ERC2: variants seen among roughly 807,000 people sequenced by gnomAD.
The protein encoded by ERC2 is ELKS/RAB6-interacting/CAST family member 2.
In ERC2, 42 loss-of-function variants were observed where a neutral mutation model predicts 114.8. The observed-to-expected ratio is 0.37, with a 90% confidence interval of 0.29 to 0.47. The LOEUF (loss-of-function observed/expected upper bound fraction) is 0.47. ERC2 is among the 20% of genes least tolerant of loss of function. The pLI is 0.99. For synonymous variants in ERC2, 454 were observed against 425.5 expected, an observed-to-expected ratio of 1.07 and a Z score of -0.82; for missense variants, 939 against 1,150.7, an observed-to-expected ratio of 0.82 and a Z score of 2.66.
At chr3:55,602,871 C>T (rs2058470085) in intron 17 of ERC2, among the ~76,000 whole-genome samples, 1 of 152,142 alleles carries the variant, frequency 6.6e-6, no homozygotes, top group Admixed American at 6.5e-5. Flanking sequence ...TGTACTCATC[C>T]TTCAGAGTGT....
In ERC2 at chr3:55,991,253, T is replaced by G. The variant is rs559238632; in HGVS notation, c.2255+804A>C. On this transcript the variant is annotated intron_variant, in intron 11 of 17. Transcript: ENST00000288221. ...GGTTTATTCAAAATTTGGTGATCTC[T>G]TCCATATGGATTGAATCTGGGAAAG... Among the ~76,000 whole-genome samples, 111 of 152,326 alleles carry G rather than the reference T, an allele frequency of 7.3e-4. 1 individual carries two copies. The highest frequency in any genetic ancestry group is 2.5e-3 in the African/African-American group (106 of 41,574).
chr3:55,844,045 T>G (rs889698491), intron 14 of ERC2, among the ~76,000 whole-genome samples: 2 of 152,216 alleles, frequency 1.3e-5, no homozygotes, highest in East Asian at 3.9e-4. Context: ...TAAACGAACA[T>G]TTTTGAATTC....
At chr3:55,646,757 G>A (rs1245195002) in intron 17 of ERC2, among the ~76,000 whole-genome samples, 3 of 152,070 alleles carry the variant, frequency 2.0e-5, no homozygotes, top group Non-Finnish European at 4.4e-5. Flanking sequence ...CTAGAACAGT[G>A]CCCGGAATAG....
chr3:55,683,494 G>T (rs1239129365), intron 17 of ERC2, among the ~76,000 whole-genome samples: 1 of 152,154 alleles, frequency 6.6e-6, no homozygotes, highest in Non-Finnish European at 1.5e-5. Flanking sequence ...GCCTTAAAAA[G>T]TGTGTATAAA....
intron 1 of ERC2, among the ~76,000 whole-genome samples, chr3:56,443,261 C>A (rs979069054): frequency 2.6e-5 from 4 of 152,298 alleles, no homozygotes; most frequent in East Asian, 1.9e-4. Flanking sequence ...TTCCACTGAA[C>A]TTATCAAATC....
intron 17 of ERC2, among the ~76,000 whole-genome samples, chr3:55,574,120 C>A (rs1446942944): frequency 6.6e-6 from 1 of 152,148 alleles, no homozygotes; most frequent in Non-Finnish European, 1.5e-5. Context: ...TTTGCATGTG[C>A]TATTTTTTAT....
intron 13 of ERC2, among the ~76,000 whole-genome samples, chr3:55,917,889 C>A (rs541765800): frequency 6.6e-6 from 1 of 152,032 alleles, no homozygotes; most frequent in South Asian, 2.1e-4. Flanking sequence ...TCATCCAGAC[C>A]AAAAGTCTAC....
intron 2 of ERC2, among the ~76,000 whole-genome samples, chr3:56,347,046 C>T (rs1437698463): frequency 6.6e-6 from 1 of 152,116 alleles, no homozygotes; most frequent in Non-Finnish European, 1.5e-5. Context: ...ACATTCAAAC[C>T]ACAGCAAATA....
intron 15 of ERC2, among the ~76,000 whole-genome samples, chr3:55,706,431 C>A (rs1381181753): frequency 1.3e-5 from 2 of 151,962 alleles, no homozygotes; most frequent in Admixed American, 1.3e-4. Context: ...AGAGTCTTGC[C>A]TGTCACCCAG....
chr3:55,531,810 A>G lies in ERC2; in HGVS notation c.*40-20534T>C, dbSNP rs137981841. 8.3e-4 allele frequency among the ~76,000 whole-genome samples: 127 copies of G among 152,320 alleles called. No homozygotes were observed. The Middle Eastern group carries it at 0.01, about 12-fold the overall frequency. On this transcript the variant is annotated intron_variant, in intron 17 of 17. Coordinates refer to ENST00000288221, the MANE Select transcript of ERC2 (RefSeq NM_015576.3). The stretch of plus-strand genomic sequence containing the variant: ...GCCACCACTGGCAATGACAGGACAT[A>G]ATCCTCCTCTTCTCTCCTTCCCACC...
rs563275063 is a variant in ERC2, at chr3:56,434,119, C to T, written c.657+232G>A. On this transcript the variant is annotated intron_variant, in intron 2 of 17. Coordinates refer to ENST00000288221, the MANE Select transcript of ERC2 (RefSeq NM_015576.3). ...GACAAGTGATCCTCCCCACCCCACC[C>T]CTCTCCCCATCTGCAACCATGTGAA... 2.8e-5 allele frequency: 15 copies of T among 532,626 alleles called. No homozygotes were observed. In the South Asian group the frequency reaches 3.2e-4, roughly 11 times the overall value. 33.0% of individuals were successfully genotyped at this position (532,626 alleles called of 1,614,324 possible). A position where few individuals can be genotyped will look rare whatever the true frequency, so the allele number is the denominator to read the frequency against.
chr3:56,001,734 A>ATT (rs1170124546), intron 10 of ERC2, among the ~76,000 whole-genome samples: 4 of 151,994 alleles, frequency 2.6e-5, no homozygotes, highest in Non-Finnish European at 5.9e-5. Flanking sequence ...GTCCTGGTAT[A>ATT]TTTTTGCTGC....
intron 14 of ERC2, among the ~76,000 whole-genome samples, chr3:55,834,908 T>C (rs1318040144): frequency 1.8e-4 from 27 of 147,444 alleles, no homozygotes; most frequent in African/African-American, 7.0e-4. Context: ...TAAAAAATGA[T>C]CAAGGGGATA....
chr3:56,462,350 C>T (rs1198033618), intron 1 of ERC2, among the ~76,000 whole-genome samples: 1 of 152,174 alleles, frequency 6.6e-6, no homozygotes, highest in Non-Finnish European at 1.5e-5. Context: ...ATTCCATTAT[C>T]TTCTCATGTC....
At chr3:56,201,464 C>T (rs1311772823) in intron 3 of ERC2, among the ~76,000 whole-genome samples, 1 of 152,116 alleles carries the variant, frequency 6.6e-6, no homozygotes, top group Non-Finnish European at 1.5e-5. Flanking sequence ...AGGCCCAAGC[C>T]CTCTTTCCTT....
chr3:56,384,542 AG>A (rs142886077), intron 2 of ERC2, among the ~76,000 whole-genome samples: 18 of 151,940 alleles, frequency 1.2e-4, no homozygotes, highest in Non-Finnish European at 2.6e-4. Flanking sequence ...TTTTTCCATC[AG>A]GTTGTTTGGT....
chr3:55,708,260 A>G (rs763460426), intron 15 of ERC2, among the ~76,000 whole-genome samples: 2 of 152,224 alleles, frequency 1.3e-5, no homozygotes, highest in Non-Finnish European at 2.9e-5. Context: ...GCTTCAACCA[A>G]TGAGACAGCT....
intron 6 of ERC2, among the ~76,000 whole-genome samples, chr3:56,139,139 T>C (rs1315814348): frequency 6.6e-6 from 1 of 152,110 alleles, no homozygotes; most frequent in Non-Finnish European, 1.5e-5. Context: ...ATTTACCAAA[T>C]CTAAAATGCT....
At chr3:56,130,658 G>T (rs1418974506) in intron 6 of ERC2, among the ~76,000 whole-genome samples, 1 of 152,136 alleles carries the variant, frequency 6.6e-6, no homozygotes, top group Non-Finnish European at 1.5e-5. Context: ...TCCAGAATTT[G>T]CCACAGAACA....
Sources: gnomAD v4.1 joint callset for allele counts (sites outside exome capture counted in the v4.1 genomes callset) on GRCh38, gnomAD v4.1.1 for gene constraint, MANE v1.5 for transcripts, NCBI Gene and HGNC (gene_info 2026-07-23, HGNC 2026-07-21) for gene names.